PLSCR4: variants seen among roughly 807,000 people sequenced by gnomAD.
PLSCR4 encodes the protein Ca(2+)-dependent phospholipid scramblase 4.
PLSCR4 carries 25 observed loss-of-function variants against 36.3 expected under a neutral mutation model. The observed-to-expected ratio is 0.69, with a 90% CI of 0.50 to 0.96. The LOEUF is 0.96. Among genes scored for constraint, PLSCR4 ranks in the 40% least tolerant of loss-of-function variants. The pLI is 0.00. For synonymous variants in PLSCR4, 122 were observed against 132.9 expected, an observed-to-expected ratio of 0.92 and a Z score of 0.56; for missense variants, 408 against 414.7, an observed-to-expected ratio of 0.98 and a Z score of 0.14.
intron 3 of PLSCR4, among the ~76,000 whole-genome samples, chr3:146,213,734 C>T (rs2034749794): frequency 6.6e-6 from 1 of 152,220 alleles, no homozygotes; most frequent in East Asian, 1.9e-4. Flanking sequence ...TCTGTTTCTT[C>T]TTGAGTCAAT....
intron 3 of PLSCR4, among the ~76,000 whole-genome samples, chr3:146,210,009 C>G (rs1281460709): frequency 6.6e-6 from 1 of 152,064 alleles, no homozygotes; most frequent in Non-Finnish European, 1.5e-5. Flanking sequence ...CCAGGACTCC[C>G]TCAAATACCA....
intron 1 of PLSCR4, among the ~76,000 whole-genome samples, chr3:146,225,418 G>GTGCCA (rs1256694757): frequency 5.9e-4 from 39 of 66,196 alleles, no homozygotes; most frequent in African/African-American, 2.1e-3. Flanking sequence ...TGCCAGTCCC[G>GTGCCA]TGCCATGCGC....
At chr3:146,212,106 T>C (rs895723464) in intron 3 of PLSCR4, among the ~76,000 whole-genome samples, 1 of 152,184 alleles carries the variant, frequency 6.6e-6, no homozygotes, top group African/African-American at 2.4e-5. Context: ...GTGTTGAATC[T>C]GTAGATCAAT....
intron 3 of PLSCR4, among the ~76,000 whole-genome samples, chr3:146,217,748 A>G (rs2034959980): frequency 6.6e-6 from 1 of 152,210 alleles, no homozygotes; most frequent in African/African-American, 2.4e-5. Context: ...AGAGTTTAGA[A>G]GCAAGATAAC....
intron 1 of PLSCR4, among the ~76,000 whole-genome samples, chr3:146,233,009 C>A (rs906043626): frequency 9.7e-4 from 148 of 152,126 alleles, no homozygotes; most frequent in African/African-American, 3.3e-3. Flanking sequence ...TGATGATGTA[C>A]CACAAGACTG....
At chr3:146,220,752 C>A in intron 3 of PLSCR4, 63 bp downstream of exon 3, 1 of 1,023,742 alleles carries the variant, frequency 9.8e-7, no homozygotes, top group Non-Finnish European at 1.5e-6. Context: ...GCTTAAAAAG[C>A]AATTTTAATC....
At chr3:146,216,998 C>A (rs773323941) in intron 3 of PLSCR4, among the ~76,000 whole-genome samples, 7 of 152,042 alleles carry the variant, frequency 4.6e-5, no homozygotes, top group Non-Finnish European at 8.8e-5. Flanking sequence ...TATCTGAAAA[C>A]AAGGCCATGA....
intron 3 of PLSCR4, among the ~76,000 whole-genome samples, chr3:146,220,235 ATAAAG>A (rs2035074357): frequency 6.6e-6 from 1 of 152,190 alleles, no homozygotes; most frequent in African/African-American, 2.4e-5. Context: ...CTAGCACTGT[ATAAAG>A]TATTCATTCT....
At chr3:146,199,767 G>A (rs1353007486) in intron 6 of PLSCR4, 46 bp downstream of exon 6, 1 of 1,429,234 alleles carries the variant, frequency 7.0e-7, no homozygotes. Flanking sequence ...ATGCCATGAA[G>A]AGTTAGATCA....
chr3:146,235,370 C>G (rs535525699), intron 1 of PLSCR4, among the ~76,000 whole-genome samples: 12 of 152,196 alleles, frequency 7.9e-5, no homozygotes, highest in African/African-American at 2.9e-4. Context: ...TCCACCTGCT[C>G]CAGCCATGTG....
intron 1 of PLSCR4, among the ~76,000 whole-genome samples, chr3:146,234,788 T>C (rs1162721994): frequency 1.3e-5 from 2 of 152,138 alleles, no homozygotes; most frequent in Non-Finnish European, 2.9e-5. Context: ...ATGGATCTGA[T>C]CCTAAGCATC....
At chr3:146,200,506 T>A (rs2033986989) in intron 5 of PLSCR4, among the ~76,000 whole-genome samples, 1 of 152,026 alleles carries the variant, frequency 6.6e-6, no homozygotes, top group Non-Finnish European at 1.5e-5. Context: ...GCTGGTTTAG[T>A]GAGGGTCAGT....
chr3:146,233,384 A>G (rs1408189186), intron 1 of PLSCR4, among the ~76,000 whole-genome samples: 3 of 152,100 alleles, frequency 2.0e-5, no homozygotes, highest in African/African-American at 7.2e-5. Flanking sequence ...AAAATTTTTG[A>G]ACAGATAACT....
chr3:146,248,779 T>G (rs1216112414), intron 1 of PLSCR4, among the ~76,000 whole-genome samples: 1 of 152,172 alleles, frequency 6.6e-6, no homozygotes, highest in Non-Finnish European at 1.5e-5. Flanking sequence ...GTTAAGTAAA[T>G]GAACATTTGT....
chr3:146,201,153 A>G, intron 4 of PLSCR4, 76 bp from the exon 5 acceptor site: 2 of 896,650 alleles, frequency 2.2e-6, no homozygotes, highest in Non-Finnish European at 3.3e-6. Flanking sequence ...AACTGATGAA[A>G]TAGATATTAA....
intron 1 of PLSCR4, chr3:146,222,394 A>G (rs763025561): frequency 1.2e-4 from 21 of 175,210 alleles, no homozygotes; most frequent in Admixed American, 5.0e-4. Flanking sequence ...TAGATAGTAC[A>G]GTTATGAGGA....
At chr3:146,199,726 T>C in intron 6 of PLSCR4, 87 bp downstream of exon 6, 2 of 1,074,736 alleles carry the variant, frequency 1.9e-6, no homozygotes, top group South Asian at 1.4e-5. Flanking sequence ...GGCCAGGGAA[T>C]ATCCTCCCTA....
chr3:146,215,635 A>C (rs2034857858), intron 3 of PLSCR4, among the ~76,000 whole-genome samples: 1 of 151,828 alleles, frequency 6.6e-6, no homozygotes, highest in African/African-American at 2.4e-5. Flanking sequence ...ATGTATGTAT[A>C]TGTTTTTTTT....
chr3:146,208,848 T>C (rs1426085350), intron 3 of PLSCR4, among the ~76,000 whole-genome samples: 1 of 152,086 alleles, frequency 6.6e-6, no homozygotes, highest in Non-Finnish European at 1.5e-5. Context: ...TGGAAAACAG[T>C]GTGGAGATTC....
Sources: allele counts gnomAD v4.1 joint callset (sites outside exome capture counted in the v4.1 genomes callset), GRCh38; gene constraint gnomAD v4.1.1; transcripts MANE v1.5; gene names NCBI Gene and HGNC (gene_info 2026-07-23, HGNC 2026-07-21).